Variants in PRKAG2 observed in about 807,000 individuals in gnomAD.
The protein encoded by PRKAG2 is 5'-AMP-activated protein kinase subunit gamma-2.
In PRKAG2, 26 loss-of-function variants were observed where a neutral mutation model predicts 69.6. The observed-to-expected ratio is 0.37, with a 90% confidence interval of 0.27 to 0.52. The LOEUF (loss-of-function observed/expected upper bound fraction) is 0.52. PRKAG2 is among the 20% of genes least tolerant of loss of function. PRKAG2 has a pLI of 0.90. For synonymous variants in PRKAG2, 293 were observed against 285.0 expected (o/e 1.03, Z -0.28); for missense variants, 557 against 740.0 (o/e 0.75, Z 2.87).
intron 1 of PRKAG2, among the ~76,000 whole-genome samples, chr7:151,839,079 T>C (rs1447361389): frequency 6.6e-6 from 1 of 151,496 alleles, no homozygotes; most frequent in Non-Finnish European, 1.5e-5. Context: ...GACTGGCAGC[T>C]GCCTGACACC....
intron 3 of PRKAG2, among the ~76,000 whole-genome samples, chr7:151,749,370 C>A (rs2074512728): frequency 6.6e-6 from 1 of 152,208 alleles, no homozygotes; most frequent in African/African-American, 2.4e-5. Flanking sequence ...GTATCCACCT[C>A]CCTCACTCTC....
intron 1 of PRKAG2, among the ~76,000 whole-genome samples, chr7:151,795,864 T>TACAC (rs1171646056): frequency 0.013 from 1,413 of 111,990 alleles, 51 homozygotes; most frequent in African/African-American, 0.049. Context: ...TATATATATA[T>TACAC]ATATATATAT....
intron 1 of PRKAG2, among the ~76,000 whole-genome samples, chr7:151,794,381 A>C (rs2077395750): frequency 6.6e-6 from 1 of 152,238 alleles, no homozygotes; most frequent in Non-Finnish European, 1.5e-5. Context: ...ACGCCCTTTA[A>C]AATCCAGGAA....
At chr7:151,776,444 C>G (rs1385123199) in intron 3 of PRKAG2, among the ~76,000 whole-genome samples, 1 of 152,178 alleles carries the variant, frequency 6.6e-6, no homozygotes, top group East Asian at 1.9e-4. Flanking sequence ...CTTGGAAATA[C>G]TCAACAGAAA....
intron 1 of PRKAG2, among the ~76,000 whole-genome samples, chr7:151,859,518 A>G (rs996896768): frequency 6.6e-6 from 1 of 152,188 alleles, no homozygotes; most frequent in African/African-American, 2.4e-5. Context: ...ACACACACTT[A>G]AAGGGCCATG....
At chr7:151,726,434 T>C (rs1315124968) in intron 3 of PRKAG2, among the ~76,000 whole-genome samples, 2 of 151,244 alleles carry the variant, frequency 1.3e-5, no homozygotes, top group African/African-American at 4.9e-5. Context: ...CCACATTATT[T>C]ACTATGGCTG....
At chr7:151,568,882 G>GA in intron 10 of PRKAG2, 40 bp from the exon 11 acceptor site, 1 of 1,610,804 alleles carries the variant, frequency 6.2e-7, no homozygotes, top group Non-Finnish European at 8.5e-7. Flanking sequence ...AGGCTTTCGA[G>GA]AAAAATCAGA....
At chr7:151,672,203 G>C (rs1832159177) in intron 4 of PRKAG2, among the ~76,000 whole-genome samples, 1 of 152,056 alleles carries the variant, frequency 6.6e-6, no homozygotes, top group Admixed American at 6.5e-5. Context: ...CTGCGTTCAA[G>C]CGATTCCCCT....
At chr7:151,782,428 A>AAGGAAAGAAG (rs1563664136) in intron 2 of PRKAG2, among the ~76,000 whole-genome samples, 1 of 75,034 alleles carries the variant, frequency 1.3e-5, no homozygotes, top group African/African-American at 4.3e-5. Flanking sequence ...AAGGAAGGAA[A>AAGGAAAGAAG]GAAAGAAGGA....
At chr7:151,561,601 T>G (rs1804963487) in intron 14 of PRKAG2, among the ~76,000 whole-genome samples, 1 of 152,226 alleles carries the variant, frequency 6.6e-6, no homozygotes, top group South Asian at 2.1e-4. Flanking sequence ...AACAGGCCTT[T>G]CACCCGCAGG....
intron 3 of PRKAG2, among the ~76,000 whole-genome samples, chr7:151,761,963 C>T (rs1383692534): frequency 2.0e-5 from 3 of 152,196 alleles, no homozygotes; most frequent in African/African-American, 7.2e-5. Flanking sequence ...AATCCCTAGC[C>T]GACTTCTCCC....
At chr7:151,621,790 G>C (rs1246048128) in intron 5 of PRKAG2, among the ~76,000 whole-genome samples, 1 of 152,068 alleles carries the variant, frequency 6.6e-6, no homozygotes, top group Non-Finnish European at 1.5e-5. Flanking sequence ...GCCCAGGCTG[G>C]TCTTGAACTG....
At chr7:151,705,366 C>T (rs1448972580) in intron 3 of PRKAG2, among the ~76,000 whole-genome samples, 13 of 152,168 alleles carry the variant, frequency 8.5e-5, no homozygotes, top group Non-Finnish European at 1.5e-5. Context: ...AACACACACA[C>T]AGATGTACAT....
intron 1 of PRKAG2, among the ~76,000 whole-genome samples, chr7:151,831,830 G>A (rs1002840601): frequency 3.3e-5 from 5 of 152,176 alleles, no homozygotes; most frequent in Admixed American, 2.0e-4. Context: ...TGCCTGCACC[G>A]AGGCTGGGGC....
intron 5 of PRKAG2, among the ~76,000 whole-genome samples, chr7:151,598,856 ATT>A (rs112495407): frequency 3.4e-5 from 5 of 147,406 alleles, no homozygotes; most frequent in Non-Finnish European, 4.5e-5. Context: ...TTTTTTATGT[ATT>A]TTTTTTTTTT....
intron 1 of PRKAG2, among the ~76,000 whole-genome samples, chr7:151,843,669 G>A (rs1253913027): frequency 6.6e-6 from 1 of 152,204 alleles, no homozygotes; most frequent in Non-Finnish European, 1.5e-5. Context: ...CCACTGGGGT[G>A]AGGCCCCCCA....
At chr7:151,702,523 C>G (rs1200190894) in intron 3 of PRKAG2, among the ~76,000 whole-genome samples, 1 of 152,212 alleles carries the variant, frequency 6.6e-6, no homozygotes, top group African/African-American at 2.4e-5. Flanking sequence ...CCTTCCTTCC[C>G]CTATCTCCTC....
intron 1 of PRKAG2, among the ~76,000 whole-genome samples, chr7:151,813,499 A>AAAG (rs2078531105): frequency 6.6e-6 from 1 of 151,804 alleles, no homozygotes. Flanking sequence ...AAGGAAAAAA[A>AAAG]AAAAAAAGGA....
At chr7:151,651,205 C>A (rs1046007092) in intron 4 of PRKAG2, among the ~76,000 whole-genome samples, 3 of 152,158 alleles carry the variant, frequency 2.0e-5, no homozygotes, top group Non-Finnish European at 4.4e-5. Context: ...TATTGTGTAA[C>A]AAAATGTGTT....
Sources: gnomAD v4.1 joint callset for allele counts (sites outside exome capture counted in the v4.1 genomes callset) on GRCh38, gnomAD v4.1.1 for gene constraint, MANE v1.5 for transcripts, NCBI Gene and HGNC (gene_info 2026-07-23, HGNC 2026-07-21) for gene names.